Variants in PRKCQ observed in about 807,000 individuals in gnomAD.
The protein encoded by PRKCQ is protein kinase C theta, also known as protein kinase C theta type.
PRKCQ carries 41 observed loss-of-function variants against 91.2 expected under a neutral mutation model. That is an observed-to-expected ratio of 0.45 (90% confidence interval 0.35 to 0.58). The LOEUF (loss-of-function observed/expected upper bound fraction) is 0.58, where lower values mean the gene tolerates loss of function less well. Among genes scored for constraint, PRKCQ ranks in the 20% least tolerant of loss-of-function variants. PRKCQ has a pLI of 0.00. For missense variants in PRKCQ, 673 were observed against 896.5 expected, an observed-to-expected ratio of 0.75 and a Z score of 3.18; for synonymous variants, 307 against 316.9, an observed-to-expected ratio of 0.97 and a Z score of 0.33.
the PRKCQ span, among the ~76,000 whole-genome samples, chr10:6,397,752 C>T: frequency 6.6e-6 from 1 of 152,120 alleles, no homozygotes; most frequent in Non-Finnish European, 1.5e-5. Context: ...GGTGAACCCT[C>T]ATCTCTACTA....
chr10:6,524,948 C>T (rs1381315107), intron 1 of PRKCQ, among the ~76,000 whole-genome samples: 1 of 152,156 alleles, frequency 6.6e-6, no homozygotes, highest in African/African-American at 2.4e-5. Flanking sequence ...CATAGAAATA[C>T]TGTTTAAAAA....
rs757268229 is a variant in PRKCQ, at chr10:6,485,176, A to G, written c.994T>C (p.Cys332Arg). 2 of 1,614,066 alleles carry G rather than the reference A, an allele frequency of 1.2e-6. No individual in the cohort carries two copies. Among genetic ancestry groups the G allele is most frequent in the Non-Finnish European group, 1.7e-6 (2 of 1,179,954 alleles). ...CSIKNEARPP[C>R]LPTPGKREPQ... ...CCTCTTTTTCCCGGTGTCGGTAAAC[A>G]TGGCGGCCTTGCTTCATTTTTGATG... The change falls in exon 10 of 18, where the codon TGT becomes CGT. Residue 332 changes from cysteine to arginine, a missense_variant. By Grantham distance (180) the Cys-to-Arg change is radical. Coordinates refer to ENST00000263125, the MANE Select transcript of PRKCQ (RefSeq NM_006257.5).
intron 1 of PRKCQ, among the ~76,000 whole-genome samples, chr10:6,542,091 G>C (rs1422699759): frequency 6.6e-6 from 1 of 152,180 alleles, no homozygotes. Flanking sequence ...GGCTCTAACT[G>C]TGGCCAGTCC....
At chr10:6,577,554 C>T (rs1181395004) in intron 1 of PRKCQ, among the ~76,000 whole-genome samples, 1 of 151,932 alleles carries the variant, frequency 6.6e-6, no homozygotes, top group African/African-American at 2.4e-5. Flanking sequence ...CACACACATA[C>T]ACACACACAC....
At chr10:6,513,198 AT>A (rs1687489066) in intron 2 of PRKCQ, among the ~76,000 whole-genome samples, 1 of 152,200 alleles carries the variant, frequency 6.6e-6, no homozygotes, top group African/African-American at 2.4e-5. Context: ...CTGTTGGCTC[AT>A]TGTGGAAAAT....
intron 1 of PRKCQ, among the ~76,000 whole-genome samples, chr10:6,537,889 C>T (rs572908736): frequency 1.1e-4 from 17 of 152,340 alleles, no homozygotes; most frequent in Admixed American, 5.9e-4. Flanking sequence ...CAGCGCCCCC[C>T]TTCCCTGCAC....
chr10:6,439,818 TG>T (rs1564295307), intron 16 of PRKCQ, among the ~76,000 whole-genome samples: 1 of 152,196 alleles, frequency 6.6e-6, no homozygotes, highest in African/African-American at 2.4e-5. Flanking sequence ...GTGGTCGTTT[TG>T]GGGGACTCAA....
At chr10:6,431,576 T>C (rs966716040) in intron 16 of PRKCQ, among the ~76,000 whole-genome samples, 8 of 152,158 alleles carry the variant, frequency 5.3e-5, no homozygotes, top group Non-Finnish European at 1.2e-4. Context: ...ACGCACGCAT[T>C]TGTGCAGTAT....
chr10:6,419,349 G>A, the PRKCQ span, among the ~76,000 whole-genome samples: 684 of 152,086 alleles, frequency 4.5e-3, 5 homozygotes, highest in Middle Eastern at 6.8e-3. Flanking sequence ...TCTCCTTACC[G>A]TATCTTAAGT....
intron 10 of PRKCQ, among the ~76,000 whole-genome samples, chr10:6,484,362 T>C (rs1463482400): frequency 2.6e-5 from 4 of 151,656 alleles, no homozygotes; most frequent in Admixed American, 6.6e-5. Context: ...TACAGTGAGC[T>C]GAGATTGTGC....
intron 15 of PRKCQ, among the ~76,000 whole-genome samples, chr10:6,453,672 A>C (rs1429766145): frequency 4.6e-5 from 7 of 152,198 alleles, no homozygotes; most frequent in Admixed American, 1.3e-4. Flanking sequence ...AACCAACCCA[A>C]ATGTCCAAAA....
At chr10:6,477,458 G>T (rs1836329997) in intron 12 of PRKCQ, among the ~76,000 whole-genome samples, 1 of 152,232 alleles carries the variant, frequency 6.6e-6, no homozygotes, top group East Asian at 1.9e-4. Flanking sequence ...GGATGCCCCA[G>T]TTGCCATCCA....
the PRKCQ span, among the ~76,000 whole-genome samples, chr10:6,412,481 A>G: frequency 3.9e-5 from 6 of 152,220 alleles, no homozygotes; most frequent in African/African-American, 1.4e-4. Context: ...CTGCCTTGCT[A>G]AGATATCAAA....
At chr10:6,448,662 C>T (rs1484652664) in intron 15 of PRKCQ, among the ~76,000 whole-genome samples, 1 of 152,160 alleles carries the variant, frequency 6.6e-6, no homozygotes. Flanking sequence ...CCGCCTCAGC[C>T]TACCAAAGTG....
chr10:6,527,906 A>G (rs1418015558), intron 1 of PRKCQ, among the ~76,000 whole-genome samples: 2 of 152,218 alleles, frequency 1.3e-5, no homozygotes, highest in African/African-American at 2.4e-5. Context: ...TAGGAACTCA[A>G]CTGACAATGT....
chr10:6,395,056 C>CTTTTTTTT, the PRKCQ span, among the ~76,000 whole-genome samples: 4 of 66,992 alleles, frequency 6.0e-5, no homozygotes, highest in Non-Finnish European at 7.9e-5. Context: ...AAGCTGGAGT[C>CTTTTTTTT]TTTTTTTTTT....
the PRKCQ span, among the ~76,000 whole-genome samples, chr10:6,395,079 T>A: frequency 3.3e-4 from 48 of 145,298 alleles, no homozygotes; most frequent in Non-Finnish European, 6.0e-4. Context: ...TTTTTTTTTT[T>A]TGAGACGGAG....
At chr10:6,525,665 C>T (rs1027959201) in intron 1 of PRKCQ, among the ~76,000 whole-genome samples, 1 of 152,134 alleles carries the variant, frequency 6.6e-6, no homozygotes, top group Non-Finnish European at 1.5e-5. Flanking sequence ...ACCTGGATGT[C>T]CCAGACACTC....
At chr10:6,439,322 G>C (rs1028446120) in intron 16 of PRKCQ, among the ~76,000 whole-genome samples, 2 of 152,190 alleles carry the variant, frequency 1.3e-5, no homozygotes, top group Admixed American at 6.5e-5. Context: ...GTAATAGCCT[G>C]TACTCTCAGA....
Sources: gnomAD v4.1 joint callset for allele counts (sites outside exome capture counted in the v4.1 genomes callset) on GRCh38, gnomAD v4.1.1 for gene constraint, MANE v1.5 for transcripts, NCBI Gene and HGNC (gene_info 2026-07-23, HGNC 2026-07-21) for gene names.